Variants in CSMD1 observed in about 807,000 individuals in gnomAD.
CSMD1 encodes the protein CUB and sushi domain-containing protein 1.
Under a neutral mutation model 417.5 loss-of-function variants are expected in CSMD1, and 213 were observed. The observed-to-expected ratio is 0.51, with a 90% CI of 0.46 to 0.57. The LOEUF (loss-of-function observed/expected upper bound fraction) is 0.57. CSMD1 is among the 20% of genes least tolerant of loss of function. The pLI, the probability that CSMD1 is intolerant of heterozygous loss-of-function variation, is 0.00. For synonymous variants in CSMD1, 2,862 were observed against 1,736.8 expected, an observed-to-expected ratio of 1.65 and a Z score of -16.11; for missense variants, 6,923 against 4,529.7, an observed-to-expected ratio of 1.53 and a Z score of -15.17.
chr8:4,690,147 C>T (rs547836259), intron 1 of CSMD1, among the ~76,000 whole-genome samples: 3 of 152,228 alleles, frequency 2.0e-5, no homozygotes, highest in Non-Finnish European at 4.4e-5. Flanking sequence ...TATTACAATG[C>T]TCATAATTTA....
In CSMD1 at chr8:3,575,065, C is replaced by A. The variant is rs776773060; in HGVS notation, c.1224G>T (p.Ala408=). 7.4e-6 allele frequency: 12 copies of A among 1,612,492 alleles called. No individual in the cohort carries two copies. Among genetic ancestry groups the A allele is most frequent in the Non-Finnish European group, 9.3e-6 (11 of 1,179,276 alleles). ...CACGCAGATTGGATCCACATGTTCT[C>A]GCTGGAAACACATAGAAACGACGTT... ...AWSDHRPICR[A]RTCGSNLRGP... is the part of the protein sequence containing the mutation. The change falls in exon 10 of 70, where the codon GCG becomes GCT. Residue 408 remains alanine, a splice_region_variant and synonymous_variant. Transcript: ENST00000635120.
chr8:4,433,424 G>A (rs556790502), intron 2 of CSMD1, among the ~76,000 whole-genome samples: 5 of 151,998 alleles, frequency 3.3e-5, no homozygotes, highest in African/African-American at 9.7e-5. Flanking sequence ...CTTTGAACCA[G>A]GAATAGGGCA....
intron 50 of CSMD1, among the ~76,000 whole-genome samples, chr8:3,045,458 C>T (rs142786890): frequency 4.7e-4 from 72 of 152,162 alleles, no homozygotes; most frequent in African/African-American, 1.5e-3. Context: ...GGCACAAAAC[C>T]GTTCTATTGA....
intron 14 of CSMD1, among the ~76,000 whole-genome samples, chr8:3,407,381 A>T (rs1285324201): frequency 1.3e-5 from 2 of 151,626 alleles, no homozygotes; most frequent in African/African-American, 2.4e-5. Context: ...CAATGGATTG[A>T]TGGAACGATG....
intron 2 of CSMD1, among the ~76,000 whole-genome samples, chr8:4,618,445 G>C (rs774591017): frequency 6.6e-6 from 1 of 152,074 alleles, no homozygotes; most frequent in East Asian, 1.9e-4. Flanking sequence ...ACGGAGTGCT[G>C]TTAGGGACCT....
At chr8:3,354,928 G>GGTCT (rs1808673598) in intron 21 of CSMD1, among the ~76,000 whole-genome samples, 2 of 150,614 alleles carry the variant, frequency 1.3e-5, no homozygotes, top group African/African-American at 2.4e-5. Context: ...TCTATCTATA[G>GGTCT]ATATAGATAT....
At chr8:4,795,929 G>A (rs1797958265) in intron 1 of CSMD1, among the ~76,000 whole-genome samples, 1 of 152,118 alleles carries the variant, frequency 6.6e-6, no homozygotes, top group South Asian at 2.1e-4. Context: ...AAATACTCAA[G>A]GCTTTTTAAG....
intron 8 of CSMD1, among the ~76,000 whole-genome samples, chr8:3,597,225 G>A (rs557815329): frequency 5.3e-5 from 8 of 152,184 alleles, no homozygotes; most frequent in Admixed American, 2.0e-4. Flanking sequence ...GGTAAACATC[G>A]GGCCCCAGGG....
chr8:4,406,732 A>G (rs1053470071), intron 3 of CSMD1, among the ~76,000 whole-genome samples: 2 of 152,196 alleles, frequency 1.3e-5, no homozygotes, highest in African/African-American at 4.8e-5. Context: ...ATGATACCAG[A>G]GAATGTATTG....
intron 3 of CSMD1, among the ~76,000 whole-genome samples, chr8:4,135,375 TGGGAAAGAGGGGGAAGGAAGGGGAAAGA>T (rs1252618321): frequency 0.058 from 982 of 16,960 alleles, 14 homozygotes; most frequent in African/African-American, 0.17. Context: ...AAGGGGAAAG[TGGGAAAGAGGGGGAAGGAAGGGGAAAGA>T]GGGAAAGAGG....
chr8:3,578,746 G>C (rs992415842), intron 9 of CSMD1, among the ~76,000 whole-genome samples: 1 of 152,148 alleles, frequency 6.6e-6, no homozygotes, highest in African/African-American at 2.4e-5. Flanking sequence ...ACTGGGACTG[G>C]ACAATTTCAT....
intron 1 of CSMD1, among the ~76,000 whole-genome samples, chr8:4,961,560 G>A (rs1035647379): frequency 7.2e-5 from 11 of 152,150 alleles, no homozygotes; most frequent in Admixed American, 3.3e-4. Context: ...TTTTGAAGAC[G>A]TTAACCATTG....
At chr8:3,931,433 T>C (rs1251093941) in intron 5 of CSMD1, among the ~76,000 whole-genome samples, 1 of 150,532 alleles carries the variant, frequency 6.6e-6, no homozygotes, top group Non-Finnish European at 1.5e-5. Context: ...AAAAAATCTT[T>C]CAATCCATGG....
At chr8:4,561,556 C>G (rs992027797) in intron 2 of CSMD1, among the ~76,000 whole-genome samples, 1 of 152,114 alleles carries the variant, frequency 6.6e-6, no homozygotes, top group Non-Finnish European at 1.5e-5. Context: ...GTGGCATGCA[C>G]CAGTAGCCCC....
At chr8:3,309,613 T>G (rs1175465097) in intron 23 of CSMD1, among the ~76,000 whole-genome samples, 2 of 146,732 alleles carry the variant, frequency 1.4e-5, no homozygotes, top group African/African-American at 4.9e-5. Flanking sequence ...ATGCAAATTT[T>G]GACAATTGTA....
intron 21 of CSMD1, among the ~76,000 whole-genome samples, chr8:3,356,970 G>C (rs534744235): frequency 6.6e-6 from 1 of 152,104 alleles, no homozygotes; most frequent in Non-Finnish European, 1.5e-5. Context: ...TCTGGGAGCT[G>C]CGGCCCCTGG....
At chr8:4,059,907 A>T (rs1019249184) in intron 3 of CSMD1, among the ~76,000 whole-genome samples, 8 of 151,964 alleles carry the variant, frequency 5.3e-5, no homozygotes, top group African/African-American at 1.9e-4. Context: ...TATTCCAATC[A>T]ATAGAAAAAG....
chr8:3,277,425 C>T (rs770262979), intron 26 of CSMD1, among the ~76,000 whole-genome samples: 5 of 152,098 alleles, frequency 3.3e-5, no homozygotes, highest in East Asian at 1.9e-4. Context: ...CCCCCAGCGG[C>T]GTAGACCAAG....
intron 3 of CSMD1, among the ~76,000 whole-genome samples, chr8:4,167,194 G>A (rs74887665): frequency 0.014 from 2,132 of 152,166 alleles, 47 homozygotes; most frequent in African/African-American, 0.047. Context: ...TTTTTCCAGA[G>A]GGCCTGTATT....
Sources: allele counts gnomAD v4.1 joint callset (sites outside exome capture counted in the v4.1 genomes callset), GRCh38; gene constraint gnomAD v4.1.1; transcripts MANE v1.5; gene names NCBI Gene and HGNC (gene_info 2026-07-23, HGNC 2026-07-21).